ANAPC5: variants seen among roughly 807,000 people sequenced by gnomAD.
ANAPC5 encodes anaphase-promoting complex subunit 5.
In ANAPC5, 60 loss-of-function variants were observed where a neutral mutation model predicts 91.3. The observed-to-expected ratio is 0.66, with a 90% CI of 0.53 to 0.81. The LOEUF (loss-of-function observed/expected upper bound fraction) is 0.81. Among genes scored for constraint, ANAPC5 ranks in the 40% least tolerant of loss-of-function variants. The pLI is 0.00. For synonymous variants in ANAPC5, 340 were observed against 364.1 expected (o/e 0.93, Z 0.75); for missense variants, 690 against 931.5 (o/e 0.74, Z 3.37).
At chr12:121,339,722 G>A (rs1486639979) in intron 5 of ANAPC5, among the ~76,000 whole-genome samples, 1 of 152,188 alleles carries the variant, frequency 6.6e-6, no homozygotes, top group African/African-American at 2.4e-5. Flanking sequence ...ACCCGCCTTG[G>A]CCTTCCAGAT....
intron 13 of ANAPC5, among the ~76,000 whole-genome samples, chr12:121,319,019 C>CAA (rs879845439): frequency 7.5e-6 from 1 of 133,368 alleles, no homozygotes; most frequent in Non-Finnish European, 1.6e-5. Context: ...GACTCTGCCT[C>CAA]AAAAAAAAAA....
chr12:121,348,597 G>A (rs1380636104), intron 1 of ANAPC5, among the ~76,000 whole-genome samples: 7 of 152,102 alleles, frequency 4.6e-5, no homozygotes, highest in Non-Finnish European at 1.0e-4. Context: ...CCTGGCAGGT[G>A]GAGGTTGCAG....
At chr12:121,334,696 C>T (rs1903163671) in intron 7 of ANAPC5, 1 of 152,156 alleles carries the variant, frequency 6.6e-6, no homozygotes. Flanking sequence ...ACTGAGCAGC[C>T]TGAATTCTAC....
intron 12 of ANAPC5, 22 bp downstream of exon 12, chr12:121,320,363 T>C (rs758224880): frequency 6.2e-7 from 1 of 1,609,486 alleles, no homozygotes; most frequent in East Asian, 2.2e-5. Context: ...ATAAATCTAT[T>C]GCCATGCAAA....
In ANAPC5 at chr12:121,309,990, C is replaced by T. The variant is rs371615799; in HGVS notation, c.1894-127G>A. 434 of 836,026 alleles carry T rather than the reference C, an allele frequency of 5.2e-4. 2 individuals are homozygous for T. In the South Asian group the frequency reaches 6.4e-3, roughly 12 times the overall value. 51.8% of individuals were successfully genotyped at this position (836,026 alleles called of 1,614,324 possible). A position where few individuals can be genotyped will look rare whatever the true frequency, so the allele number is the denominator to read the frequency against. On this transcript the variant is annotated intron_variant, in intron 15 of 16. Transcript: ENST00000261819. ...CTTACCTTTTACCTGACATGTACTA[C>T]GTTAAAACAGGAACCACATTCCTAG...
rs117071358 is a variant in ANAPC5 at position 121,344,306 on chromosome 12, C to T, written c.590+1533G>A. 6.1e-3 allele frequency among the ~76,000 whole-genome samples: 934 copies of T among 152,238 alleles called. 20 individuals are homozygous for T. In the East Asian group the frequency reaches 0.067, roughly 11 times the overall value. ...AATAGAAAGTATTTGGGGCCGAGTG[C>T]GGTGGCTCACGCCTGTAATCCCAGC... On this transcript the variant is annotated intron_variant, in intron 4 of 16. Transcript: ENST00000261819.
chr12:121,325,972 G>C (rs1448060398), intron 11 of ANAPC5, among the ~76,000 whole-genome samples: 6 of 152,248 alleles, frequency 3.9e-5, no homozygotes, highest in Non-Finnish European at 1.5e-5. Context: ...GGAGGTGCCA[G>C]TGCCACGAAG....
At chr12:121,321,165 C>T (rs571752273) in intron 11 of ANAPC5, 1 of 151,866 alleles carries the variant, frequency 6.6e-6, no homozygotes, top group South Asian at 2.1e-4. Flanking sequence ...AGGAGAATCG[C>T]TTGAACCCAG....
At chr12:121,333,495 G>A (rs1555273142) in intron 7 of ANAPC5, 1 of 152,134 alleles carries the variant, frequency 6.6e-6, no homozygotes, top group Admixed American at 6.6e-5. Context: ...CTCTGATCGA[G>A]AGGTTATTAA....
rs1902310712 is a variant in ANAPC5, at chr12:121,315,295, CA to C, written c.1893+2981del. Among the ~76,000 whole-genome samples, 4 of 152,060 alleles carry C rather than the reference CA, an allele frequency of 2.6e-5. No homozygotes were observed. The South Asian group carries it at 8.3e-4, about 32-fold the overall frequency. On this transcript the variant is annotated intron_variant, in intron 15 of 16. Transcript: ENST00000261819. ...ACATTGTTGAAGTAAGTTAAAGATCCAAATAAAAGGAAAGACATCCTGTGTT... is the reference window on the plus strand; with the variant it reads ...ACATTGTTGAAGTAAGTTAAAGATCCAATAAAAGGAAAGACATCCTGTGTT...
At chr12:121,353,930 C>T (rs1555275778), upstream of ANAPC5, among the ~76,000 whole-genome samples, 1 of 151,948 alleles carries the variant, frequency 6.6e-6, no homozygotes, top group Non-Finnish European at 1.5e-5. Context: ...GCAATCCTCC[C>T]ACCTCAGCCT....
chr12:121,335,407 C>A, intron 7 of ANAPC5, 126 bp downstream of exon 7: 1 of 1,047,576 alleles, frequency 9.5e-7, no homozygotes, highest in Non-Finnish European at 1.3e-6. Flanking sequence ...CTCACGTGAT[C>A]CACCCGCCTT....
chr12:121,334,204 A>G (rs1408266069), intron 7 of ANAPC5: 4 of 152,208 alleles, frequency 2.6e-5, no homozygotes, highest in Non-Finnish European at 5.9e-5. Context: ...GCTTGAGCCC[A>G]TGAGTTTGAG....
upstream of ANAPC5, chr12:121,352,420 A>G: frequency 8.7e-7 from 1 of 1,151,858 alleles, no homozygotes; most frequent in Non-Finnish European, 1.2e-6. Flanking sequence ...CCGGGTCTAC[A>G]TCTCCGCCCG....
chr12:121,347,819 T>C lies in ANAPC5; in HGVS notation c.270A>G (p.Ala90=). The C allele has an allele frequency of 6.2e-7, 1 of 1,613,374 alleles. No homozygotes were observed. The highest frequency in any genetic ancestry group is 8.5e-7 in the Non-Finnish European group (1 of 1,179,320). Residue 90 remains alanine, a synonymous_variant, in exon 2 of 17, where the codon GCA becomes GCG. Transcript: ENST00000261819. ...AAGTTTACCTGATCTGCACTGAATTTGCCAGCTGTGGACAAGACTCTTCAA... is the reference window on the plus strand; with the variant it reads ...AAGTTTACCTGATCTGCACTGAATTCGCCAGCTGTGGACAAGACTCTTCAA... ...KLIEESCPQL[A]NSVQIRIKLM...
chr12:121,322,676 T>C (rs893400065), intron 11 of ANAPC5, among the ~76,000 whole-genome samples: 1 of 152,174 alleles, frequency 6.6e-6, no homozygotes, highest in Admixed American at 6.5e-5. Context: ...CTACAATGAA[T>C]ATCTTGGTGC....
rs1367452679 is a variant in ANAPC5 at position 121,328,807 on chromosome 12, C to CT, written c.1123-311dup. On this transcript the variant is annotated intron_variant, in intron 9 of 16. Transcript: ENST00000261819. ...TAGGGCCAGTCACTTAGCTTCTTAG[C>CT]TAAGCCTCAGCTTCCTCATCTGTAA... The CT allele has an allele frequency of 2.8e-5, 7 of 253,246 alleles. No homozygotes were observed. The Admixed American group carries it at 3.4e-4, about 12-fold the overall frequency. 15.7% of individuals were successfully genotyped at this position (253,246 alleles called of 1,614,324 possible).
At chr12:121,331,645 G>A in intron 7 of ANAPC5, 1 of 355,220 alleles carries the variant, frequency 2.8e-6, no homozygotes, top group East Asian at 4.3e-5. Context: ...AAGGGGAATT[G>A]CTACGAAAAG....
intron 1 of ANAPC5, chr12:121,351,331 C>G (rs909461162): frequency 7.5e-5 from 20 of 264,950 alleles, no homozygotes; most frequent in Non-Finnish European, 1.4e-4. Context: ...CGCGATCACA[C>G]TACTGCACTC....
Sources: allele counts gnomAD v4.1 joint callset (sites outside exome capture counted in the v4.1 genomes callset), GRCh38; gene constraint gnomAD v4.1.1; transcripts MANE v1.5; gene names NCBI Gene and HGNC (gene_info 2026-07-23, HGNC 2026-07-21).